ERBB4: variants seen among roughly 807,000 people sequenced by gnomAD.
ERBB4 encodes the protein erb-b2 receptor tyrosine kinase 4.
Under a neutral mutation model 158.0 loss-of-function variants are expected in ERBB4, and 42 were observed. The ratio of observed to expected loss-of-function variants is 0.27; its 90% confidence interval spans 0.21 to 0.34. ERBB4 has a LOEUF of 0.34. Ranked by LOEUF, ERBB4 falls within the 10% of genes least tolerant of loss-of-function variation. ERBB4 has a pLI of 1.00. For missense variants in ERBB4, 1,333 were observed against 1,624.1 expected, an observed-to-expected ratio of 0.82 and a Z score of 3.08; for synonymous variants, 583 against 558.7, an observed-to-expected ratio of 1.04 and a Z score of -0.61.
At chr2:211,747,103 T>G (rs2074999822) in intron 5 of ERBB4, among the ~76,000 whole-genome samples, 1 of 152,160 alleles carries the variant, frequency 6.6e-6, no homozygotes, top group South Asian at 2.1e-4. Context: ...CAGGTTCAAG[T>G]TTCTAAGTTA....
chr2:212,002,454 TGTG>T lies in ERBB4; in HGVS notation c.235-54841_235-54839del, dbSNP rs1274267643. Among the ~76,000 whole-genome samples, 3 of 152,236 alleles carry T rather than the reference TGTG, an allele frequency of 2.0e-5. No individual in the cohort carries two copies. The South Asian group carries it at 6.2e-4, about 32-fold the overall frequency. ...AACTCTATTCCCAGACCTATTCTCT[TGTG>T]GTGGGCAGAGGACAACAGGCAAGCT... On this transcript the variant is annotated intron_variant, in intron 2 of 27. Transcript: ENST00000342788.
intron 1 of ERBB4, among the ~76,000 whole-genome samples, chr2:212,360,489 G>C (rs556570782): frequency 6.6e-6 from 1 of 151,706 alleles, no homozygotes; most frequent in Non-Finnish European, 1.5e-5. Context: ...TATGTAACTG[G>C]AAGTAATTTC....
chr2:211,409,225 C>T (rs1271267600), intron 25 of ERBB4, among the ~76,000 whole-genome samples: 1 of 152,068 alleles, frequency 6.6e-6, no homozygotes, highest in Non-Finnish European at 1.5e-5. Flanking sequence ...AAAAACCTTA[C>T]TTTTTACCAT....
intron 12 of ERBB4, among the ~76,000 whole-genome samples, chr2:211,687,934 A>G (rs890333882): frequency 6.6e-6 from 1 of 152,186 alleles, no homozygotes; most frequent in African/African-American, 2.4e-5. Context: ...ATCCCAGTAT[A>G]TATCTTTAAT....
At chr2:212,538,384 A>G (rs967965820) in intron 1 of ERBB4, 65 bp downstream of exon 1, 212 of 1,396,470 alleles carry the variant, frequency 1.5e-4, no homozygotes, top group Non-Finnish European at 2.1e-4. Context: ...AGGGCAGGGG[A>G]GCCACTCGAG....
chr2:212,366,396 G>T (rs1290579323), intron 1 of ERBB4, among the ~76,000 whole-genome samples: 1 of 151,800 alleles, frequency 6.6e-6, no homozygotes, highest in Admixed American at 6.6e-5. Context: ...TAAAAATTAT[G>T]GGGAAAAAAG....
At chr2:211,421,416 T>C (rs895048282) in intron 24 of ERBB4, among the ~76,000 whole-genome samples, 1 of 151,984 alleles carries the variant, frequency 6.6e-6, no homozygotes, top group African/African-American at 2.4e-5. Flanking sequence ...AGAAATATAT[T>C]ATTATTTTTT....
intron 2 of ERBB4, among the ~76,000 whole-genome samples, chr2:212,028,509 G>C (rs1043338110): frequency 1.7e-4 from 26 of 152,180 alleles, no homozygotes; most frequent in Non-Finnish European, 3.2e-4. Flanking sequence ...TTAAAAAGCT[G>C]TCTCAGTTGG....
At chr2:211,854,824 ATGTG>A (rs1433016631) in intron 3 of ERBB4, among the ~76,000 whole-genome samples, 1 of 152,018 alleles carries the variant, frequency 6.6e-6, no homozygotes, top group Admixed American at 6.6e-5. Context: ...GCATTTGTAT[ATGTG>A]TGTGTATGTG....
intron 20 of ERBB4, among the ~76,000 whole-genome samples, chr2:211,543,745 C>G (rs933293038): frequency 1.3e-5 from 2 of 150,976 alleles, no homozygotes; most frequent in East Asian, 2.0e-4. Context: ...ATGGAAATGT[C>G]GACAGACTCT....
At chr2:211,784,099 C>G (rs1237856530) in intron 4 of ERBB4, among the ~76,000 whole-genome samples, 1 of 151,988 alleles carries the variant, frequency 6.6e-6, no homozygotes, top group Admixed American at 6.6e-5. Context: ...TTCATAATTA[C>G]AGTTAAAAAA....
At position 211,431,369 on chromosome 2, in the gene ERBB4, G is replaced by C. The variant is rs6435622; in HGVS notation, c.2488-269C>G. Among the ~76,000 whole-genome samples, 40,966 of 152,004 alleles carry C rather than the reference G, an allele frequency of 0.27. 6,214 individuals carry two copies. Among genetic ancestry groups the C allele is most frequent in the South Asian group, 0.52 (2,520 of 4,822 alleles). ...AGATCATTATTTTTCCAAGTGACTT[G>C]ATATCCTTTTGCAAACTCTTTCTTT... On this transcript the variant is annotated intron_variant, in intron 20 of 27. Transcript: ENST00000342788.
chr2:212,404,224 A>G (rs1445068747), intron 1 of ERBB4, among the ~76,000 whole-genome samples: 1 of 152,028 alleles, frequency 6.6e-6, no homozygotes, highest in Non-Finnish European at 1.5e-5. Context: ...CCACAAGTCA[A>G]TGGCCAAGTC....
chr2:211,396,330 C>A (rs1314104355), intron 25 of ERBB4, among the ~76,000 whole-genome samples: 2 of 151,744 alleles, frequency 1.3e-5, no homozygotes, highest in African/African-American at 4.8e-5. Context: ...TTTTGTTTTT[C>A]TTATGTTTCA....
chr2:211,837,611 C>T (rs1468485152), intron 3 of ERBB4, among the ~76,000 whole-genome samples: 2 of 152,088 alleles, frequency 1.3e-5, no homozygotes, highest in African/African-American at 4.8e-5. Context: ...ATCTCCTTCT[C>T]ACTAACTAAC....
chr2:212,446,490 G>A (rs932284670), intron 1 of ERBB4, among the ~76,000 whole-genome samples: 5 of 146,390 alleles, frequency 3.4e-5, no homozygotes, highest in Non-Finnish European at 7.5e-5. Context: ...TCAGTTTTGG[G>A]ACTCAGAATG....
intron 16 of ERBB4, among the ~76,000 whole-genome samples, chr2:211,650,384 A>G (rs960981829): frequency 1.3e-5 from 2 of 152,234 alleles, no homozygotes; most frequent in African/African-American, 4.8e-5. Flanking sequence ...TTTTAAAAGT[A>G]GGTCATACTG....
At chr2:211,475,463 T>C (rs535538229) in intron 20 of ERBB4, among the ~76,000 whole-genome samples, 33 of 152,242 alleles carry the variant, frequency 2.2e-4, no homozygotes, top group Non-Finnish European at 2.5e-4. Flanking sequence ...ACCTGATCAA[T>C]GTATTTCCTA....
chr2:211,439,226 C>T (rs1365067459), intron 20 of ERBB4, among the ~76,000 whole-genome samples: 1 of 152,136 alleles, frequency 6.6e-6, no homozygotes, highest in African/African-American at 2.4e-5. Flanking sequence ...AAATTCTGGT[C>T]TTATGGTTCA....
Sources: gnomAD v4.1 joint callset for allele counts (sites outside exome capture counted in the v4.1 genomes callset) on GRCh38, gnomAD v4.1.1 for gene constraint, MANE v1.5 for transcripts, NCBI Gene and HGNC (gene_info 2026-07-23, HGNC 2026-07-21) for gene names.